The following TAFA1 variants were observed in gnomAD, a reference collection of about 807,000 sequenced individuals.
TAFA1 encodes chemokine-like protein TAFA-1.
Under a neutral mutation model 18.5 loss-of-function variants are expected in TAFA1, and 4 were observed. The ratio of observed to expected loss-of-function variants is 0.22; its 90% CI spans 0.11 to 0.49. The LOEUF is 0.49. Ranked by LOEUF, TAFA1 falls within the 20% of genes least tolerant of loss-of-function variation. TAFA1 has a pLI of 0.98. For synonymous variants in TAFA1, 56 were observed against 55.2 expected (o/e 1.01, Z -0.06); for missense variants, 147 against 169.0 (o/e 0.87, Z 0.72).
At chr3:68,135,839 A>T (rs1328426197) in intron 2 of TAFA1, among the ~76,000 whole-genome samples, 1 of 152,202 alleles carries the variant, frequency 6.6e-6, no homozygotes, top group East Asian at 1.9e-4. Context: ...GGTAGATATG[A>T]TGCCAGATGT....
At chr3:68,477,255 T>G (rs2072117159) in intron 3 of TAFA1, among the ~76,000 whole-genome samples, 1 of 152,192 alleles carries the variant, frequency 6.6e-6, no homozygotes, top group Non-Finnish European at 1.5e-5. Context: ...TAGTTATTTC[T>G]TTTCCTTCTC....
intron 2 of TAFA1, among the ~76,000 whole-genome samples, chr3:68,099,504 C>T (rs2065123239): frequency 6.6e-6 from 1 of 151,980 alleles, no homozygotes; most frequent in South Asian, 2.1e-4. Context: ...TCAAAGACAA[C>T]AGGTGCTGGT....
chr3:68,371,390 C>A (rs1219643160), intron 2 of TAFA1, among the ~76,000 whole-genome samples: 1 of 152,070 alleles, frequency 6.6e-6, no homozygotes, highest in Non-Finnish European at 1.5e-5. Flanking sequence ...CCCCAACCCC[C>A]AACGGGCCCC....
intron 2 of TAFA1, among the ~76,000 whole-genome samples, chr3:68,366,582 G>A (rs1035130775): frequency 2.0e-5 from 3 of 149,190 alleles, no homozygotes; most frequent in African/African-American, 7.5e-5. Flanking sequence ...GGATACAAAC[G>A]TATTATCATA....
At chr3:68,181,189 T>G (rs2066193685) in intron 2 of TAFA1, among the ~76,000 whole-genome samples, 1 of 152,160 alleles carries the variant, frequency 6.6e-6, no homozygotes, top group Non-Finnish European at 1.5e-5. Context: ...TCATCTTGAT[T>G]GCAGCCTGGT....
At chr3:68,106,757 T>C (rs1379293136) in intron 2 of TAFA1, among the ~76,000 whole-genome samples, 1 of 151,984 alleles carries the variant, frequency 6.6e-6, no homozygotes, top group Non-Finnish European at 1.5e-5. Flanking sequence ...GAAAACCAAA[T>C]GGGCAAATGA....
chr3:68,227,585 C>T (rs534725095), intron 2 of TAFA1, among the ~76,000 whole-genome samples: 57 of 152,266 alleles, frequency 3.7e-4, no homozygotes, highest in African/African-American at 1.3e-3. Flanking sequence ...TGGGGAAAAA[C>T]TGAATCACAA....
intron 2 of TAFA1, among the ~76,000 whole-genome samples, chr3:68,265,980 C>G (rs2067535813): frequency 6.6e-6 from 1 of 152,158 alleles, no homozygotes; most frequent in East Asian, 1.9e-4. Flanking sequence ...TCTTGAGTTT[C>G]TAAATTGAAC....
chr3:68,313,590 A>T (rs2068558370), intron 2 of TAFA1, among the ~76,000 whole-genome samples: 2 of 152,260 alleles, frequency 1.3e-5, no homozygotes, highest in Non-Finnish European at 2.9e-5. Context: ...TGATAAAATA[A>T]GAAAAAAGTC....
intron 3 of TAFA1, among the ~76,000 whole-genome samples, chr3:68,482,957 C>A (rs1352425861): frequency 6.6e-6 from 1 of 152,178 alleles, no homozygotes; most frequent in Non-Finnish European, 1.5e-5. Flanking sequence ...ATTCGTGGAG[C>A]CACTAAATTC....
At chr3:68,042,911 G>A (rs113347174) in intron 2 of TAFA1, among the ~76,000 whole-genome samples, 191 of 151,812 alleles carry the variant, frequency 1.3e-3, no homozygotes, top group Admixed American at 3.2e-3. Context: ...TTTTTGAGAC[G>A]GGGTCTTGCT....
intron 2 of TAFA1, among the ~76,000 whole-genome samples, chr3:68,286,257 TAA>T (rs947399019): frequency 6.6e-6 from 1 of 151,936 alleles, no homozygotes; most frequent in African/African-American, 2.4e-5. Flanking sequence ...TTTTTTAAAT[TAA>T]AAATATTTTT....
At chr3:68,413,165 T>C (rs949851766) in intron 2 of TAFA1, among the ~76,000 whole-genome samples, 6 of 152,246 alleles carry the variant, frequency 3.9e-5, no homozygotes, top group African/African-American at 1.2e-4. Context: ...GTTGGCTACA[T>C]AATTGTCTTC....
At chr3:68,122,779 G>A (rs547307834) in intron 2 of TAFA1, among the ~76,000 whole-genome samples, 1 of 151,606 alleles carries the variant, frequency 6.6e-6, no homozygotes, top group Non-Finnish European at 1.5e-5. Context: ...CTTGCTTCAT[G>A]TCATTTCTGT....
At chr3:68,340,838 A>C (rs2106752514) in intron 2 of TAFA1, among the ~76,000 whole-genome samples, 1 of 152,320 alleles carries the variant, frequency 6.6e-6, no homozygotes, top group African/African-American at 2.4e-5. Flanking sequence ...GGAAGACAGA[A>C]ATCTGACCTG....
At chr3:68,516,791 T>C (rs980501211) in intron 3 of TAFA1, among the ~76,000 whole-genome samples, 1 of 152,300 alleles carries the variant, frequency 6.6e-6, no homozygotes, top group Middle Eastern at 3.4e-3. Flanking sequence ...TTCTTTTTTT[T>C]TGAGATGGAG....
intron 2 of TAFA1, among the ~76,000 whole-genome samples, chr3:68,286,064 A>T (rs1381412831): frequency 6.6e-6 from 1 of 151,936 alleles, no homozygotes; most frequent in Non-Finnish European, 1.5e-5. Flanking sequence ...TACAAAAATT[A>T]GCTGGGCGTG....
intron 2 of TAFA1, among the ~76,000 whole-genome samples, chr3:68,362,312 A>G (rs1466767153): frequency 3.3e-5 from 5 of 152,114 alleles, no homozygotes; most frequent in African/African-American, 1.2e-4. Context: ...TTAAAAGGGG[A>G]TGTCATTATT....
At chr3:68,018,140 T>C (rs1466320899) in intron 2 of TAFA1, among the ~76,000 whole-genome samples, 1 of 152,226 alleles carries the variant, frequency 6.6e-6, no homozygotes, top group African/African-American at 2.4e-5. Context: ...ATTTTATTTC[T>C]TAATTACTTA....
Sources: gnomAD v4.1 joint callset for allele counts (sites outside exome capture counted in the v4.1 genomes callset) on GRCh38, gnomAD v4.1.1 for gene constraint, MANE v1.5 for transcripts, NCBI Gene and HGNC (gene_info 2026-07-23, HGNC 2026-07-21) for gene names.